Variants in RUNX1 observed in about 807,000 individuals in gnomAD.
RUNX1 encodes runt-related transcription factor 1.
Under a neutral mutation model 42.8 loss-of-function variants are expected in RUNX1, and 19 were observed. That is an observed-to-expected ratio of 0.44 (90% CI 0.31 to 0.65). RUNX1 has a LOEUF of 0.65. Among genes scored for constraint, RUNX1 ranks in the 30% least tolerant of loss-of-function variants. The probability of loss-of-function intolerance (pLI) is 0.07; values close to 1 mark genes in which losing one functional copy is unlikely to be tolerated. For synonymous variants in RUNX1, 271 were observed against 289.4 expected, an observed-to-expected ratio of 0.94 and a Z score of 0.64; for missense variants, 528 against 672.0, an observed-to-expected ratio of 0.79 and a Z score of 2.37.
chr21:34,818,602 C>G (rs913367190), intron 7 of RUNX1, among the ~76,000 whole-genome samples: 1 of 152,164 alleles, frequency 6.6e-6, no homozygotes, highest in Non-Finnish European at 1.5e-5. Flanking sequence ...CCTCCAGTAC[C>G]GGAGCCAGCT....
chr21:34,816,440 T>G (rs2056828272), intron 7 of RUNX1, among the ~76,000 whole-genome samples: 2 of 141,862 alleles, frequency 1.4e-5, no homozygotes, highest in African/African-American at 2.6e-5. Flanking sequence ...TGGTGGTGGT[T>G]GAGTTTTTAC....
chr21:34,918,294 G>A (rs1357997876), intron 2 of RUNX1, among the ~76,000 whole-genome samples: 1 of 152,052 alleles, frequency 6.6e-6, no homozygotes, highest in African/African-American at 2.4e-5. Flanking sequence ...TTCTCACCTT[G>A]AAAACCTCTT....
chr21:34,892,821 A>C, intron 3 of RUNX1, 104 bp downstream of exon 3: 1 of 730,744 alleles, frequency 1.4e-6, no homozygotes, highest in African/African-American at 1.8e-5. Flanking sequence ...TATTTGGTTA[A>C]ATTATATCAC....
chr21:34,950,840 G>T (rs1378865052), intron 2 of RUNX1, among the ~76,000 whole-genome samples: 1 of 152,200 alleles, frequency 6.6e-6, no homozygotes. Flanking sequence ...CCCACCATAA[G>T]ACCCACAGGT....
chr21:34,798,844 C>T (rs1262224296), intron 8 of RUNX1, among the ~76,000 whole-genome samples: 1 of 152,030 alleles, frequency 6.6e-6, no homozygotes, highest in East Asian at 1.9e-4. Flanking sequence ...GTCCTGGAAC[C>T]AGTCCTCCAT....
intron 6 of RUNX1, among the ~76,000 whole-genome samples, chr21:34,841,173 C>A (rs777604887): frequency 4.6e-5 from 7 of 152,110 alleles, no homozygotes; most frequent in Non-Finnish European, 1.0e-4. Context: ...TAGGTGAGTA[C>A]CTGTCACCCA....
At chr21:34,888,667 CCGCCCG>C (rs1253046946) in intron 3 of RUNX1, 1 of 1,045,448 alleles carries the variant, frequency 9.6e-7, no homozygotes, top group East Asian at 5.4e-5. Context: ...GGCGCCCGTC[CCGCCCG>C]CGCCCGCTGG....
chr21:34,847,879 C>T (rs1259695237), intron 6 of RUNX1, among the ~76,000 whole-genome samples: 2 of 151,934 alleles, frequency 1.3e-5, no homozygotes, highest in African/African-American at 2.4e-5. Flanking sequence ...GAGAAAAAGC[C>T]CTTATTGTAC....
intron 2 of RUNX1, among the ~76,000 whole-genome samples, chr21:34,930,270 G>GTGTGTGTATATATATATATATATATATA (rs372412304): frequency 1.4e-4 from 17 of 123,016 alleles, no homozygotes; most frequent in African/African-American, 6.0e-4. Flanking sequence ...GTGTGTGTAT[G>GTGTGTGTATATATATATATATATATATA]TATATATATA....
At chr21:34,807,449 A>T (rs932321388) in intron 7 of RUNX1, among the ~76,000 whole-genome samples, 9 of 152,190 alleles carry the variant, frequency 5.9e-5, no homozygotes, top group African/African-American at 2.2e-4. Context: ...TCTCAGAGCT[A>T]TTTAAAAATA....
At chr21:34,996,876 A>G (rs747121178) in intron 2 of RUNX1, among the ~76,000 whole-genome samples, 2 of 152,222 alleles carry the variant, frequency 1.3e-5, no homozygotes, top group Admixed American at 6.5e-5. Context: ...ACTCCCAAAC[A>G]TAAGAGTTTA....
chr21:34,872,474 A>G (rs2057753712), intron 5 of RUNX1, among the ~76,000 whole-genome samples: 2 of 152,240 alleles, frequency 1.3e-5, no homozygotes, highest in South Asian at 4.1e-4. Flanking sequence ...ATGCATACAG[A>G]ACACTGCTGT....
chr21:34,908,227 A>C (rs2058240721), intron 2 of RUNX1, among the ~76,000 whole-genome samples: 1 of 152,230 alleles, frequency 6.6e-6, no homozygotes, highest in Non-Finnish European at 1.5e-5. Flanking sequence ...CCAAGAAGAG[A>C]TACAGAGAAT....
chr21:34,896,685 A>AAAAG (rs1569092665), intron 2 of RUNX1, among the ~76,000 whole-genome samples: 2 of 151,340 alleles, frequency 1.3e-5, no homozygotes, highest in Admixed American at 1.3e-4. Context: ...TCTGTCTCAT[A>AAAAG]AAAAGAAAAG....
At chr21:34,997,320 G>T (rs182722824) in intron 2 of RUNX1, among the ~76,000 whole-genome samples, 36 of 152,280 alleles carry the variant, frequency 2.4e-4, no homozygotes, top group Non-Finnish European at 4.3e-4. Context: ...TTCAAACTGA[G>T]TGCCTCAAAT....
chr21:34,817,676 T>G (rs2056846498), intron 7 of RUNX1, among the ~76,000 whole-genome samples: 1 of 152,218 alleles, frequency 6.6e-6, no homozygotes, highest in Admixed American at 6.5e-5. Context: ...ACAGGCTCCT[T>G]ACTGTTGGCT....
intron 5 of RUNX1, among the ~76,000 whole-genome samples, chr21:34,860,266 T>C (rs1019454169): frequency 2.0e-5 from 3 of 152,224 alleles, no homozygotes; most frequent in Non-Finnish European, 4.4e-5. Context: ...CATATATTTA[T>C]AAAAGGTGAG....
chr21:34,916,143 C>T (rs1352101452), intron 2 of RUNX1, among the ~76,000 whole-genome samples: 1 of 152,144 alleles, frequency 6.6e-6, no homozygotes, highest in African/African-American at 2.4e-5. Flanking sequence ...TCTGACACAA[C>T]AAGTGAAAGG....
chr21:34,965,884 C>G (rs376152900), intron 2 of RUNX1, among the ~76,000 whole-genome samples: 2 of 152,224 alleles, frequency 1.3e-5, no homozygotes, highest in East Asian at 3.9e-4. Flanking sequence ...AAGGGTCACA[C>G]CTGGTGACAC....
Sources: gnomAD v4.1 joint callset for allele counts (sites outside exome capture counted in the v4.1 genomes callset) on GRCh38, gnomAD v4.1.1 for gene constraint, MANE v1.5 for transcripts, NCBI Gene and HGNC (gene_info 2026-07-23, HGNC 2026-07-21) for gene names.